The following LSM8 variants were observed in gnomAD, a reference collection of about 807,000 sequenced individuals.
The protein encoded by LSM8 is LSM8 U6 small nuclear RNA associated.
A neutral mutation model predicts 15.0 loss-of-function variants in LSM8; 14 were observed. That is an observed-to-expected ratio of 0.93 (90% CI 0.62 to 1.46). LSM8 has a LOEUF of 1.46. LSM8 is among the 40% of genes most tolerant of loss of function. LSM8 has a pLI of 0.00. For missense variants in LSM8, 90 were observed against 115.4 expected (o/e 0.78, Z 1.01); for synonymous variants, 50 against 42.1 (o/e 1.19, Z -0.73).
At chr7:118,191,756 AT>A in intron 3 of LSM8, 155 bp from the exon 4 acceptor site, 1 of 582,570 alleles carries the variant, frequency 1.7e-6, no homozygotes, top group Non-Finnish European at 3.0e-6. Context: ...ACTCACGCCA[AT>A]GTTGTTTGCT....
intron 1 of LSM8, chr7:118,185,451 G>T: frequency 1.8e-6 from 1 of 542,622 alleles, no homozygotes; most frequent in East Asian, 3.1e-5. Context: ...TCGCTGTGTT[G>T]CCCAAGCTGG....
chr7:118,184,364 C>G, intron 1 of LSM8, 110 bp downstream of exon 1: 2 of 1,290,032 alleles, frequency 1.6e-6, no homozygotes, highest in Non-Finnish European at 2.0e-6. Context: ...TGGGGGCGGG[C>G]GAGGAGATGA....
chr7:118,200,819 T>A lies in LSM8; in HGVS notation c.*8817T>A, dbSNP rs1809160451. Among the ~76,000 whole-genome samples the A allele has an allele frequency of 6.6e-6, 1 of 152,132 alleles. No individual in the cohort carries two copies. Among genetic ancestry groups the A allele is most frequent in the African/African-American group, 2.4e-5 (1 of 41,454 alleles). On this transcript the variant is annotated 3_prime_UTR_variant, in exon 4 of 4. Transcript: ENST00000249299. ...TAATGGAACGAACTGAGGTTTGCAA[T>A]TGCTAATGTTATTCTCCCATCCCAG...
At chr7:118,191,881 A>T (rs759653893) in intron 3 of LSM8, 31 bp from the exon 4 acceptor site, 1 of 1,506,392 alleles carries the variant, frequency 6.6e-7, no homozygotes, top group East Asian at 2.3e-5. Context: ...TTATTTCAGA[A>T]ATGTGATTGT....
rs1584711527 is a variant in LSM8, at chr7:118,200,171, A to T, written c.*8169A>T. Among the ~76,000 whole-genome samples the T allele has an allele frequency of 6.6e-6, 1 of 152,254 alleles. No individual in the cohort carries two copies. The highest frequency in any genetic ancestry group is 1.9e-4 in the East Asian group (1 of 5,178). ...TTTTTCTGACTTCCAAATATAAACA[A>T]CCTAAGCATTGTGCAGTAGCCATGA... On this transcript the variant is annotated 3_prime_UTR_variant, in exon 4 of 4. Coordinates refer to ENST00000249299, the MANE Select transcript of LSM8 (RefSeq NM_016200.5).
chr7:118,196,361 A>T lies in LSM8; in HGVS notation c.*4359A>T, dbSNP rs1370676033. Reference sequence around the variant, plus strand: ...GGATTCATTCAAAACAACTAGAAACAGTCTTTTTAAAATAAATATAATTCA... The same window carrying T: ...GGATTCATTCAAAACAACTAGAAACTGTCTTTTTAAAATAAATATAATTCA... On this transcript the variant is annotated 3_prime_UTR_variant, in exon 4 of 4. Transcript: ENST00000249299. 6.6e-6 allele frequency among the ~76,000 whole-genome samples: 1 copy of T among 151,942 alleles called. No individual in the cohort carries two copies. The highest frequency in any genetic ancestry group is 2.4e-5 in the African/African-American group (1 of 41,332).
chr7:118,192,061 G>A lies in LSM8; in HGVS notation c.*59G>A. On this transcript the variant is annotated 3_prime_UTR_variant, in exon 4 of 4. Transcript: ENST00000249299. ...TTGTACAGAAACTGATTATTCTGAG[G>A]ATGATATATGGAGTTTTTATGAGTG... 4 of 1,340,758 alleles carry A rather than the reference G, an allele frequency of 3.0e-6. No homozygotes were observed. The South Asian group carries it at 5.2e-5, about 17-fold the overall frequency. The allele number at this position is 1,340,758 out of a possible 1,614,324, so 83.1% of individuals were successfully genotyped here.
At chr7:118,185,280 T>C (rs1390580496) in intron 1 of LSM8, 1 of 175,530 alleles carries the variant, frequency 5.7e-6, no homozygotes, top group African/African-American at 2.4e-5. Context: ...TTTTTTTGAG[T>C]CGAGGGTCTC....
At position 118,202,000 on chromosome 7, in the gene LSM8, G is replaced by A. The variant is rs913753130; in HGVS notation, c.*9998G>A. ...ATCCTGATCACTTCTATGTGAATTT[G>A]TAATATTCTGCTTTTGGACTTGTAA... On this transcript the variant is annotated 3_prime_UTR_variant, in exon 4 of 4. Transcript: ENST00000249299. Among the ~76,000 whole-genome samples, 5 of 152,024 alleles carry A rather than the reference G, an allele frequency of 3.3e-5. No homozygotes were observed. Among genetic ancestry groups the A allele is most frequent in the African/African-American group, 9.7e-5 (4 of 41,394 alleles).
Position 118,198,677 on chromosome 7 carries a change from A to C in LSM8, c.*6675A>C, listed in dbSNP as rs1471406420. 6.6e-6 allele frequency among the ~76,000 whole-genome samples: 1 copy of C among 152,216 alleles called. No individual in the cohort carries two copies. The highest frequency in any genetic ancestry group is 1.5e-5 in the Non-Finnish European group (1 of 68,032). On this transcript the variant is annotated 3_prime_UTR_variant, in exon 4 of 4. Coordinates refer to ENST00000249299, the MANE Select transcript of LSM8 (RefSeq NM_016200.5). The stretch of plus-strand genomic sequence containing the variant: ...TTAGGAAAACTTCAAATTGGCAGAC[A>C]GGAAGGCAAGAAGGAGTAAGATGTG...
At chr7:118,188,965 CAG>C (rs1453045579) in intron 3 of LSM8, 1 of 152,308 alleles carries the variant, frequency 6.6e-6, no homozygotes, top group Non-Finnish European at 1.5e-5. Context: ...TTGGGACAGA[CAG>C]ATATAAAAGT....
intron 3 of LSM8, chr7:118,190,739 C>T (rs1226711437): frequency 6.6e-6 from 1 of 152,076 alleles, no homozygotes; most frequent in Non-Finnish European, 1.5e-5. Context: ...TCATATTTTT[C>T]ATTTATTAGA....
At position 118,193,092 on chromosome 7, in the gene LSM8, G is replaced by A. The variant is rs947079087; in HGVS notation, c.*1090G>A. Among the ~76,000 whole-genome samples the A allele has an allele frequency of 9.9e-5, 15 of 152,206 alleles. No individual in the cohort carries two copies. The highest frequency in any genetic ancestry group is 2.9e-4 in the African/African-American group (12 of 41,560). ...TTATTTGTTTTGTTTTTATGAAAGT[G>A]CTTAAAAATAGTAGTTGGCAAGCTT... is the stretch of plus-strand genomic sequence containing the variant. On this transcript the variant is annotated 3_prime_UTR_variant, in exon 4 of 4. Coordinates refer to ENST00000249299, the MANE Select transcript of LSM8 (RefSeq NM_016200.5).
In LSM8 at chr7:118,194,885, T is replaced by C. The variant is rs992241428; in HGVS notation, c.*2883T>C. 3.3e-5 allele frequency among the ~76,000 whole-genome samples: 5 copies of C among 152,152 alleles called. No homozygotes were observed. The highest frequency in any genetic ancestry group is 5.9e-5 in the Non-Finnish European group (4 of 68,020). On this transcript the variant is annotated 3_prime_UTR_variant, in exon 4 of 4. Coordinates refer to ENST00000249299, the MANE Select transcript of LSM8 (RefSeq NM_016200.5). ...CTGAGTGCTTACAATGATCATTTTA[T>C]ATATGGGAAAATTGAGGCTCAGCAG...
chr7:118,193,586 T>A lies in LSM8; in HGVS notation c.*1584T>A, dbSNP rs780244917. ...TTAGCTAGTATTGGCTATTCATAAG[T>A]ACTTGACTTGTAGTATAATGTTTTA... On this transcript the variant is annotated 3_prime_UTR_variant, in exon 4 of 4. Transcript: ENST00000249299. 6.6e-6 allele frequency among the ~76,000 whole-genome samples: 1 copy of A among 151,930 alleles called. No homozygotes were observed. Among genetic ancestry groups the A allele is most frequent in the Non-Finnish European group, 1.5e-5 (1 of 67,938 alleles).
rs78526717 is a variant in LSM8, at chr7:118,199,212, T to TG, written c.*7211dup. 0.068 allele frequency among the ~76,000 whole-genome samples: 10,427 copies of TG among 152,224 alleles called. 383 individuals carry two copies. The highest frequency in any genetic ancestry group is 0.11 in the East Asian group (568 of 5,184). On this transcript the variant is annotated 3_prime_UTR_variant, in exon 4 of 4. Transcript: ENST00000249299. ...AGTCCTATGATTCCAAGTGTATCAA[T>TG]GAACCTCAGTATGATCTTGGGGACC...
rs1808841117 is a variant in LSM8, at chr7:118,184,215, C to T, written c.-9C>T. On this transcript the variant is annotated 5_prime_UTR_variant, in exon 1 of 4. Coordinates refer to ENST00000249299, the MANE Select transcript of LSM8 (RefSeq NM_016200.5). ...CGCTGCGTTACCCGGAACCGCCGGG[C>T]CGAACAGCATGACGTCCGCTTTGGA... The T allele has an allele frequency of 1.3e-6, 2 of 1,542,120 alleles. No homozygotes were observed. Among genetic ancestry groups the T allele is most frequent in the South Asian group, 1.2e-5 (1 of 83,822 alleles).
At position 118,192,403 on chromosome 7, in the gene LSM8, G is replaced by A. The variant is rs3808175; in HGVS notation, c.*401G>A. ...CCTGATGTTTAGGAAAATCACAGGA[G>A]GGTAAATCTTTGCTGGAGTTATCTG... On this transcript the variant is annotated 3_prime_UTR_variant, in exon 4 of 4. Coordinates refer to ENST00000249299, the MANE Select transcript of LSM8 (RefSeq NM_016200.5). 0.068 allele frequency: 10,669 copies of A among 155,846 alleles called. 394 individuals carry two copies. The highest frequency in any genetic ancestry group is 0.11 in the East Asian group (583 of 5,308). The allele number at this position is 155,846 out of a possible 1,614,324, so 9.7% of individuals were successfully genotyped here. A position where few individuals can be genotyped will look rare whatever the true frequency, so the allele number is the denominator to read the frequency against.
In LSM8 at chr7:118,193,035, A is replaced by G. The variant is rs1809011324; in HGVS notation, c.*1033A>G. Among the ~76,000 whole-genome samples, 1 of 152,188 alleles carries G rather than the reference A, an allele frequency of 6.6e-6. No homozygotes were observed. Among genetic ancestry groups the G allele is most frequent in the South Asian group, 2.1e-4 (1 of 4,834 alleles). ...ATGAGAAGAACATAGAAAAATATTT[A>G]CATCCTTGTAATTGAAACAAATTTA... On this transcript the variant is annotated 3_prime_UTR_variant, in exon 4 of 4. Transcript: ENST00000249299.
Sources: gnomAD v4.1 joint callset for allele counts (sites outside exome capture counted in the v4.1 genomes callset) on GRCh38, gnomAD v4.1.1 for gene constraint, MANE v1.5 for transcripts, NCBI Gene and HGNC (gene_info 2026-07-23, HGNC 2026-07-21) for gene names.